UBE2E1: variants seen among roughly 807,000 people sequenced by gnomAD.
UBE2E1 encodes ubiquitin conjugating enzyme E2 E1, also known as ubiquitin-conjugating enzyme E2 E1.
In UBE2E1, 6 loss-of-function variants were observed where a neutral mutation model predicts 21.4. The ratio of observed to expected loss-of-function variants is 0.28; its 90% CI spans 0.15 to 0.55. The LOEUF is 0.55. UBE2E1 is among the 20% of genes least tolerant of loss of function. The pLI is 0.93. For missense variants in UBE2E1, 142 were observed against 236.5 expected (o/e 0.60, Z 2.62); for synonymous variants, 87 against 82.7 (o/e 1.05, Z -0.28).
chr3:23,807,440 T>G lies in UBE2E1; in HGVS notation c.152+19T>G. ...CCAAGAGGTACTGTGCTCTTTTTTT[T>G]TTCCACAGGCTTCCTATTTCCGAAC... On this transcript the variant is annotated intron_variant, in intron 2 of 5. Transcript: ENST00000306627. The G allele has an allele frequency of 1.9e-6, 3 of 1,594,432 alleles. No individual in the cohort carries two copies. The highest frequency in any genetic ancestry group is 2.6e-6 in the Non-Finnish European group (3 of 1,174,100).
At chr3:23,852,951 T>C (rs1392254703) in intron 3 of UBE2E1, among the ~76,000 whole-genome samples, 1 of 151,716 alleles carries the variant, frequency 6.6e-6, no homozygotes, top group Non-Finnish European at 1.5e-5. Flanking sequence ...AGTTTCACTC[T>C]TGTTACCCAG....
At position 23,842,785 on chromosome 3, in the gene UBE2E1, C is replaced by T. The variant is rs1178170522; in HGVS notation, c.203+31275C>T. 1.3e-5 allele frequency among the ~76,000 whole-genome samples: 2 copies of T among 152,070 alleles called. No individual in the cohort carries two copies. Among genetic ancestry groups the T allele is most frequent in the Non-Finnish European group, 2.9e-5 (2 of 68,002 alleles). ...GAGGGAATAAAGATTTCTAATTGTA[C>T]AACAGTAAATGGAATAAACAATAAT... On this transcript the variant is annotated intron_variant, in intron 3 of 5. Coordinates refer to ENST00000306627, the MANE Select transcript of UBE2E1 (RefSeq NM_003341.5). The surrounding 1 kb of genome is among the most constrained non-coding windows in gnomAD (Gnocchi z 4.6).
chr3:23,835,415 T>C (rs1482843964), intron 3 of UBE2E1, among the ~76,000 whole-genome samples: 1 of 152,062 alleles, frequency 6.6e-6, no homozygotes, highest in Non-Finnish European at 1.5e-5. Context: ...CTAAGTGAGC[T>C]AGGATCATGC....
intron 3 of UBE2E1, among the ~76,000 whole-genome samples, chr3:23,850,347 T>C: frequency 6.6e-6 from 1 of 152,122 alleles, no homozygotes. Flanking sequence ...ATTAGATACA[T>C]GATTTACAAG....
At chr3:23,867,063 CTCA>C (rs916608376) in intron 3 of UBE2E1, among the ~76,000 whole-genome samples, 1 of 151,230 alleles carries the variant, frequency 6.6e-6, no homozygotes, top group Non-Finnish European at 1.5e-5. Context: ...AATCCTTCTC[CTCA>C]TCTTTTTTTT....
At position 23,808,056 on chromosome 3, in the gene UBE2E1, C is replaced by G. The variant is rs1699315001; in HGVS notation, c.152+635C>G. On this transcript the variant is annotated intron_variant, in intron 2 of 5. Transcript: ENST00000306627. The surrounding 1 kb of genome is among the most constrained non-coding windows in gnomAD (Gnocchi z 4.9). The stretch of plus-strand genomic sequence containing the variant: ...GTTCTCTTTAAAAACTTCAGTTTAC[C>G]AATTTCAGGGAGACTTGTCTTTTTT... Among the ~76,000 whole-genome samples, 1 of 152,084 alleles carries G rather than the reference C, an allele frequency of 6.6e-6. No homozygotes were observed.
At chr3:23,825,101 G>A (rs531635817) in intron 3 of UBE2E1, among the ~76,000 whole-genome samples, 1 of 152,272 alleles carries the variant, frequency 6.6e-6, no homozygotes, top group Non-Finnish European at 1.5e-5. Context: ...TGCACCATGA[G>A]AATTGTCCAT....
At chr3:23,866,596 C>T (rs945944003) in intron 3 of UBE2E1, 1 of 152,140 alleles carries the variant, frequency 6.6e-6, no homozygotes, top group African/African-American at 2.4e-5. Flanking sequence ...TGTAATTGAA[C>T]TGATGCTTGT....
chr3:23,871,748 A>G (rs7644353), intron 3 of UBE2E1, among the ~76,000 whole-genome samples: 1 of 145,904 alleles, frequency 6.9e-6, no homozygotes, highest in Non-Finnish European at 1.5e-5. Flanking sequence ...CGGCGGGGCA[A>G]AGGCGCTCCC....
chr3:23,887,450 G>A lies in UBE2E1; in HGVS notation c.204-117G>A, dbSNP rs761866877. ...TCCGTTTCTGTACTTGTTTTGTAAA[G>A]AGAATCCACACAGTAAACAAAAGAG... On this transcript the variant is annotated intron_variant, in intron 3 of 5. Transcript: ENST00000306627. The surrounding 1 kb of genome is among the most constrained non-coding windows in gnomAD (Gnocchi z 4.4). The A allele has an allele frequency of 1.5e-6, 2 of 1,362,082 alleles. No homozygotes were observed. Among genetic ancestry groups the A allele is most frequent in the Non-Finnish European group, 1.9e-6 (2 of 1,029,224 alleles). 84.4% of individuals were successfully genotyped at this position (1,362,082 alleles called of 1,614,324 possible). A position where few individuals can be genotyped will look rare whatever the true frequency, so the allele number is the denominator to read the frequency against.
intron 3 of UBE2E1, among the ~76,000 whole-genome samples, chr3:23,827,557 T>C (rs1021803549): frequency 6.6e-6 from 1 of 152,202 alleles, no homozygotes; most frequent in African/African-American, 2.4e-5. Flanking sequence ...ACTAGGCTCT[T>C]AAGTGGAGAA....
intron 3 of UBE2E1, among the ~76,000 whole-genome samples, chr3:23,848,068 A>T (rs1485049143): frequency 1.3e-5 from 2 of 152,108 alleles, no homozygotes; most frequent in African/African-American, 4.8e-5. Flanking sequence ...GATATCTTGG[A>T]CTTTCCCCAG....
chr3:23,835,309 A>T (rs1699953785), intron 3 of UBE2E1, among the ~76,000 whole-genome samples: 1 of 152,072 alleles, frequency 6.6e-6, no homozygotes, highest in Non-Finnish European at 1.5e-5. Context: ...GTCTACAAAA[A>T]ATTTAAAAAT....
At chr3:23,869,036 A>C (rs1193628506) in intron 3 of UBE2E1, among the ~76,000 whole-genome samples, 2 of 152,148 alleles carry the variant, frequency 1.3e-5, no homozygotes, top group African/African-American at 4.8e-5. Context: ...TCTCCAAAAT[A>C]TCCTTATACT....
intron 3 of UBE2E1, 83 bp downstream of exon 3, chr3:23,811,593 C>G: frequency 1.5e-6 from 2 of 1,305,150 alleles, no homozygotes; most frequent in Non-Finnish European, 2.2e-6. Context: ...TATACTTTTT[C>G]TTTGATTCTT....
Position 23,810,649 on chromosome 3 carries a change from G to A in UBE2E1, c.153-811G>A. 1.1e-6 allele frequency: 1 copy of A among 934,070 alleles called. No homozygotes were observed. The highest frequency in any genetic ancestry group is 1.5e-6 in the Non-Finnish European group (1 of 658,236). 57.9% of individuals were successfully genotyped at this position (934,070 alleles called of 1,614,324 possible). A position where few individuals can be genotyped will look rare whatever the true frequency, so the allele number is the denominator to read the frequency against. ...TGGTGCCCGAGTGGCGGGCGGGGGTGTTCGCGCCCTGCTTTCGCGCGCGGT... is the reference window on the plus strand; with the variant it reads ...TGGTGCCCGAGTGGCGGGCGGGGGTATTCGCGCCCTGCTTTCGCGCGCGGT... On this transcript the variant is annotated intron_variant, in intron 2 of 5. Coordinates refer to ENST00000306627, the MANE Select transcript of UBE2E1 (RefSeq NM_003341.5). The surrounding 1 kb of genome is among the most constrained non-coding windows in gnomAD (Gnocchi z 5.8).
chr3:23,874,911 C>T (rs1048299912), intron 3 of UBE2E1, among the ~76,000 whole-genome samples: 1 of 152,264 alleles, frequency 6.6e-6, no homozygotes, highest in South Asian at 2.1e-4. Context: ...CCTACCCCCA[C>T]GACTACCCTG....
intron 5 of UBE2E1, among the ~76,000 whole-genome samples, chr3:23,890,045 G>C (rs1701338065): frequency 6.6e-6 from 1 of 152,130 alleles, no homozygotes; most frequent in Non-Finnish European, 1.5e-5. Context: ...CTGGCAACCT[G>C]GCTCTTTAAC....
rs1352314919 is a variant in UBE2E1 at position 23,836,870 on chromosome 3, T to C, written c.203+25360T>C. On this transcript the variant is annotated intron_variant, in intron 3 of 5. Coordinates refer to ENST00000306627, the MANE Select transcript of UBE2E1 (RefSeq NM_003341.5). This position sits in a 1 kb window ranked among gnomAD's most constrained non-coding sequence, Gnocchi z 4.1. ...TAGTTTATGTTCTCTTTGTGCTAGA[T>C]GGTGGCATCACTCATGATGAAGAAG... Among the ~76,000 whole-genome samples the C allele has an allele frequency of 1.3e-5, 2 of 152,188 alleles. No homozygotes were observed. The highest frequency in any genetic ancestry group is 4.8e-5 in the African/African-American group (2 of 41,448).
Sources: gnomAD v4.1 joint callset for allele counts (sites outside exome capture counted in the v4.1 genomes callset) on GRCh38, gnomAD v4.1.1 for gene constraint, Gnocchi (gnomAD v3.1) non-coding constraint, MANE v1.5 for transcripts, NCBI Gene and HGNC (gene_info 2026-07-23, HGNC 2026-07-21) for gene names.